Variants in DMD observed in about 807,000 individuals in gnomAD.
The protein encoded by DMD is dystrophin.
DMD carries 63 observed loss-of-function variants against 330.1 expected under a neutral mutation model. The observed-to-expected ratio is 0.19, with a 90% CI of 0.16 to 0.24. The LOEUF (loss-of-function observed/expected upper bound fraction) is 0.24. DMD is among the 10% of genes least tolerant of loss of function. The probability of loss-of-function intolerance (pLI) is 1.00; values close to 1 mark genes in which losing one functional copy is unlikely to be tolerated. For missense variants in DMD, 3,344 were observed against 2,684.1 expected (o/e 1.25, Z -5.43); for synonymous variants, 1,223 against 959.8 (o/e 1.27, Z -5.07).
intron 22 of DMD, among the ~76,000 whole-genome samples, chrX:32,469,026 T>C (rs2040348445): frequency 9.0e-6 from 1 of 111,045 alleles, no homozygotes; most frequent in African/African-American, 3.3e-5. Flanking sequence ...TATATATTAA[T>C]AACTGCATTT....
intron 21 of DMD, among the ~76,000 whole-genome samples, chrX:32,477,729 GA>G (rs57582779): frequency 0.072 from 7,674 of 106,748 alleles, 714 homozygotes; most frequent in African/African-American, 0.24. Context: ...ACACTTTACT[GA>G]AAAAAAAAAT....
At chrX:32,696,835 G>A (rs2063693949) in intron 9 of DMD, among the ~76,000 whole-genome samples, 1 of 111,333 alleles carries the variant, frequency 9.0e-6, no homozygotes, top group Non-Finnish European at 1.9e-5. Flanking sequence ...GGTCCAGAAT[G>A]AGAGAGAGTG....
chrX:31,454,827 A>T (rs764224807), intron 59 of DMD, among the ~76,000 whole-genome samples: 1 of 110,918 alleles, frequency 9.0e-6, no homozygotes, highest in East Asian at 2.8e-4. Context: ...ATCATAGCTC[A>T]CTGCAGCCTC....
intron 63 of DMD, among the ~76,000 whole-genome samples, chrX:31,227,017 T>C (rs2046669925): frequency 8.9e-6 from 1 of 111,799 alleles, no homozygotes; most frequent in South Asian, 3.8e-4. Context: ...GTAGAAGATA[T>C]TGGCATAAAG....
intron 2 of DMD, among the ~76,000 whole-genome samples, chrX:32,926,086 T>TCA (rs1330769973): frequency 2.7e-5 from 3 of 111,241 alleles, no homozygotes; most frequent in Non-Finnish European, 3.8e-5. Flanking sequence ...GAAAATGTGG[T>TCA]CACACACACA....
At chrX:32,496,856 G>T (rs758680832) in intron 19 of DMD, among the ~76,000 whole-genome samples, 1 of 112,490 alleles carries the variant, frequency 8.9e-6, no homozygotes, top group Admixed American at 9.4e-5. Context: ...AAATCAAACT[G>T]CCCAGTACTG....
At chrX:32,007,791 AG>A (rs1170988639) in intron 44 of DMD, among the ~76,000 whole-genome samples, 3 of 111,225 alleles carry the variant, frequency 2.7e-5, no homozygotes, top group African/African-American at 9.8e-5. Flanking sequence ...TCACCCTTGA[AG>A]TCTTAACATT....
chrX:31,507,998 C>T (rs1362840057), intron 55 of DMD, among the ~76,000 whole-genome samples: 1 of 112,046 alleles, frequency 8.9e-6, no homozygotes, highest in East Asian at 2.8e-4. Context: ...CTTGACAACA[C>T]AAATTAAGTT....
At chrX:32,840,177 C>T (rs567187410) in intron 4 of DMD, among the ~76,000 whole-genome samples, 1 of 111,887 alleles carries the variant, frequency 8.9e-6, no homozygotes, top group East Asian at 2.8e-4. Flanking sequence ...CAGATGAAAG[C>T]ATTGTTAATA....
intron 11 of DMD, among the ~76,000 whole-genome samples, chrX:32,641,301 G>A (rs942938778): frequency 3.7e-5 from 4 of 108,254 alleles, no homozygotes; most frequent in African/African-American, 1.3e-4. Context: ...GAGATCTGGG[G>A]CCAGACCTTG....
At position 33,108,868 on chromosome X, in the gene DMD, GA is replaced by G. The variant is rs59817056; in HGVS notation, c.32-88669del. Among the ~76,000 whole-genome samples, 22 of 24,228 alleles carry G rather than the reference GA, an allele frequency of 9.1e-4. 2 individuals are homozygous for G. Among genetic ancestry groups the G allele is most frequent in the Middle Eastern group, 0.028 (1 of 36 alleles). The allele number at this position is 24,228 out of a possible 115,157, so 21.0% of individuals were successfully genotyped here. ...GCAACAAGAGTGAAACTCCGTTTCG[GA>G]AAAAAAAAAAAAAAGAAGAAGAGAG... On this transcript the variant is annotated intron_variant, in intron 1 of 78. Coordinates refer to ENST00000357033, the MANE Select transcript of DMD (RefSeq NM_004006.3).
At chrX:31,725,550 T>A (rs1457592413) in intron 52 of DMD, among the ~76,000 whole-genome samples, 3 of 112,194 alleles carry the variant, frequency 2.7e-5, no homozygotes, top group African/African-American at 9.7e-5. Context: ...CATTAATTAT[T>A]TCATCTAATC....
At chrX:32,779,982 T>TA (rs1184835126) in intron 7 of DMD, among the ~76,000 whole-genome samples, 5 of 112,065 alleles carry the variant, frequency 4.5e-5, no homozygotes, top group African/African-American at 1.6e-4. Context: ...TTTTATATTT[T>TA]AACTTGTCAT....
intron 44 of DMD, among the ~76,000 whole-genome samples, chrX:32,035,893 T>A (rs1603622700): frequency 9.0e-6 from 1 of 111,585 alleles, no homozygotes; most frequent in African/African-American, 3.3e-5. Context: ...TGTACAGACC[T>A]TTTTCCTTGC....
intron 9 of DMD, among the ~76,000 whole-genome samples, chrX:32,687,571 G>A (rs1306832696): frequency 9.0e-6 from 1 of 110,596 alleles, no homozygotes; most frequent in Admixed American, 9.8e-5. Flanking sequence ...AGTGACTGCA[G>A]ATTAAATAAG....
At chrX:31,298,410 T>C (rs61687695) in intron 62 of DMD, among the ~76,000 whole-genome samples, 5 of 97,845 alleles carry the variant, frequency 5.1e-5, no homozygotes, top group South Asian at 9.0e-4. Context: ...CACACACACA[T>C]ACACACACAC....
At chrX:33,100,623 G>A (rs908432279) in intron 1 of DMD, among the ~76,000 whole-genome samples, 3 of 111,344 alleles carry the variant, frequency 2.7e-5, no homozygotes, top group East Asian at 2.8e-4. Context: ...CCCAGGAGGC[G>A]GAGATTGCAG....
rs1181082381 is a variant in DMD at position 32,573,746 on chromosome X, T to C, written c.1703A>G (p.Gln568Arg). The change falls in exon 14 of 79, where the codon CAG becomes CGG. Residue 568 changes from glutamine to arginine, a missense_variant and splice_region_variant. Coordinates refer to ENST00000357033, the MANE Select transcript of DMD (RefSeq NM_004006.3). ...LLKWQRLTEEQCLFSAWLSEK... is the reference protein window; with the variant it reads ...LLKWQRLTEERCLFSAWLSEK... ...GCTAGTTTCTCACACATGACACACC[T>C]GTTCTTCAGTAAGACGTTGCCATTT... The C allele has an allele frequency of 8.3e-7, 1 of 1,208,446 alleles. No homozygotes were observed. The highest frequency in any genetic ancestry group is 1.7e-5 in the African/African-American group (1 of 57,200).
At chrX:31,980,289 C>A (rs940317498) in intron 44 of DMD, among the ~76,000 whole-genome samples, 5 of 111,686 alleles carry the variant, frequency 4.5e-5, no homozygotes, top group East Asian at 2.8e-4. Flanking sequence ...TGAAAACCAC[C>A]TGAATGTCCA....
Sources: gnomAD v4.1 joint callset for allele counts (sites outside exome capture counted in the v4.1 genomes callset) on GRCh38, gnomAD v4.1.1 for gene constraint, MANE v1.5 for transcripts, NCBI Gene and HGNC (gene_info 2026-07-23, HGNC 2026-07-21) for gene names.